Variants in NSD1 observed in about 807,000 individuals in gnomAD.
The protein encoded by NSD1 is histone-lysine N-methyltransferase, H3 lysine-36 specific.
NSD1 carries 26 observed loss-of-function variants against 242.7 expected under a neutral mutation model. The ratio of observed to expected loss-of-function variants is 0.11; its 90% CI spans 0.08 to 0.15. The LOEUF (loss-of-function observed/expected upper bound fraction) is 0.15. Among genes scored for constraint, NSD1 ranks in the 10% least tolerant of loss-of-function variants. NSD1 has a pLI of 1.00. For synonymous variants in NSD1, 1,106 were observed against 1,178.1 expected (o/e 0.94, Z 1.25); for missense variants, 2,495 against 3,272.8 (o/e 0.76, Z 5.80).
intron 2 of NSD1, among the ~76,000 whole-genome samples, chr5:177,189,543 AG>A (rs1282692862): frequency 6.6e-6 from 1 of 152,178 alleles, no homozygotes; most frequent in Non-Finnish European, 1.5e-5. Flanking sequence ...GGATAACAGG[AG>A]AGTGGTTTAA....
chr5:177,176,384 T>C (rs1396715817), intron 2 of NSD1, among the ~76,000 whole-genome samples: 1 of 151,916 alleles, frequency 6.6e-6, no homozygotes, highest in Non-Finnish European at 1.5e-5. Flanking sequence ...CCCATAGTGC[T>C]GTGTTGGGAT....
intron 11 of NSD1, among the ~76,000 whole-genome samples, chr5:177,250,931 C>T (rs1188361679): frequency 6.6e-6 from 1 of 152,176 alleles, no homozygotes. Flanking sequence ...GTGGCTCACA[C>T]CTGTAATCCC....
Position 177,288,695 on chromosome 5 carries a change from G to A in NSD1, c.6152-124G>A, listed in dbSNP as rs532395656. 4.1e-6 allele frequency: 3 copies of A among 730,928 alleles called. No individual in the cohort carries two copies. In the South Asian group the frequency reaches 4.5e-5, roughly 11 times the overall value. The allele number at this position is 730,928 out of a possible 1,614,324, so 45.3% of individuals were successfully genotyped here. A position where few individuals can be genotyped will look rare whatever the true frequency, so the allele number is the denominator to read the frequency against. On this transcript the variant is annotated intron_variant, in intron 20 of 22. Transcript: ENST00000439151. ...TAAGATTAGAATTAATTAAAATATA[G>A]GATTAGAGCTAAATTCTTTTTAAAA...
chr5:177,179,927 G>C (rs1241043700), intron 2 of NSD1, among the ~76,000 whole-genome samples: 1 of 151,672 alleles, frequency 6.6e-6, no homozygotes, highest in African/African-American at 2.4e-5. Flanking sequence ...ATTTTTTTGA[G>C]ACTTGCCCTG....
intron 8 of NSD1, among the ~76,000 whole-genome samples, chr5:177,242,149 G>A (rs1765922594): frequency 1.3e-5 from 2 of 152,068 alleles, no homozygotes; most frequent in African/African-American, 4.8e-5. Context: ...ATAGAAATGA[G>A]ACTATTTCCT....
At chr5:177,233,393 A>C (rs1027174282) in intron 5 of NSD1, among the ~76,000 whole-genome samples, 5 of 150,968 alleles carry the variant, frequency 3.3e-5, no homozygotes, top group African/African-American at 1.2e-4. Context: ...TTTTTTTTTA[A>C]AGTTTGGCTC....
At chr5:177,251,651 A>G (rs1755978777) in intron 11 of NSD1, 79 bp from the exon 12 acceptor site, 5 of 1,475,468 alleles carry the variant, frequency 3.4e-6, no homozygotes, top group Non-Finnish European at 3.8e-6. Flanking sequence ...ACCTTTGTTT[A>G]CTTTAACCCA....
At chr5:177,241,633 AG>A (rs1004331261) in intron 8 of NSD1, among the ~76,000 whole-genome samples, 2 of 151,826 alleles carry the variant, frequency 1.3e-5, no homozygotes, top group African/African-American at 4.8e-5. Flanking sequence ...TTTTGGGGAG[AG>A]GGGGTTGCCG....
At chr5:177,244,356 T>A in intron 9 of NSD1, 86 bp downstream of exon 9, 1 of 964,532 alleles carries the variant, frequency 1.0e-6, no homozygotes, top group Non-Finnish European at 1.7e-6. Flanking sequence ...GTTACATGTG[T>A]AAGCCCGACC....
chr5:177,156,049 G>GAAAAGGAATAATA (rs1758106527), intron 2 of NSD1, among the ~76,000 whole-genome samples: 2 of 151,704 alleles, frequency 1.3e-5, no homozygotes, highest in South Asian at 4.1e-4. Context: ...AGTTGAGGGG[G>GAAAAGGAATAATA]AAAAGGAATA....
chr5:177,253,350 T>C (rs1162761833), intron 12 of NSD1, among the ~76,000 whole-genome samples: 1 of 152,244 alleles, frequency 6.6e-6, no homozygotes, highest in Non-Finnish European at 1.5e-5. Flanking sequence ...ATTTCAGGCC[T>C]ATGAGTTGAT....
At chr5:177,182,925 A>G (rs1348864343) in intron 2 of NSD1, among the ~76,000 whole-genome samples, 2 of 152,106 alleles carry the variant, frequency 1.3e-5, no homozygotes, top group African/African-American at 4.8e-5. Flanking sequence ...GGCGTGAGCC[A>G]CCGTGCCTGG....
In NSD1 at chr5:177,296,472, C is replaced by CT. The variant is rs886060448; in HGVS notation, c.*1014dup. The CT allele has an allele frequency of 3.9e-5, 9 of 233,230 alleles. No individual in the cohort carries two copies. The highest frequency in any genetic ancestry group is 6.8e-5 in the Non-Finnish European group (8 of 118,094). 14.4% of individuals were successfully genotyped at this position (233,230 alleles called of 1,614,324 possible). ...GTGGACATAGGGAATCTCTGGCAAG[C>CT]TCTGAGCTAGACACACCAGCTTCAG... On this transcript the variant is annotated 3_prime_UTR_variant, in exon 23 of 23. Transcript: ENST00000439151.
chr5:177,278,814 C>T (rs1236578725), intron 17 of NSD1, among the ~76,000 whole-genome samples: 1 of 152,140 alleles, frequency 6.6e-6, no homozygotes, highest in Non-Finnish European at 1.5e-5. Flanking sequence ...TTTGACTGTT[C>T]CCACTGAAAT....
chr5:177,282,319 G>GTAA, intron 18 of NSD1, 146 bp from the exon 19 acceptor site: 1 of 738,538 alleles, frequency 1.4e-6, no homozygotes, highest in South Asian at 1.4e-5. Context: ...GTTGGGGATC[G>GTAA]TAAAGTAATT....
At chr5:177,252,100 G>C (rs1167306549) in intron 12 of NSD1, among the ~76,000 whole-genome samples, 1 of 152,190 alleles carries the variant, frequency 6.6e-6, no homozygotes, top group Non-Finnish European at 1.5e-5. Context: ...AAGATGAGCT[G>C]ATGCCATAGA....
chr5:177,188,418 T>A (rs560600752), intron 2 of NSD1, among the ~76,000 whole-genome samples: 1 of 152,326 alleles, frequency 6.6e-6, no homozygotes, highest in South Asian at 2.1e-4. Context: ...CCAGTGGGTT[T>A]GCATATGTTA....
chr5:177,220,341 A>T, intron 5 of NSD1, among the ~76,000 whole-genome samples: 1 of 152,176 alleles, frequency 6.6e-6, no homozygotes, highest in Admixed American at 6.6e-5. Flanking sequence ...TTTGTTTTAT[A>T]TAAGTATGGC....
intron 14 of NSD1, chr5:177,265,564 C>T (rs916357274): frequency 8.3e-6 from 9 of 1,084,584 alleles, no homozygotes; most frequent in African/African-American, 3.1e-5. Flanking sequence ...GCGGGAGAGC[C>T]GGGCCTCAGC....
Sources: gnomAD v4.1 joint callset for allele counts (sites outside exome capture counted in the v4.1 genomes callset) on GRCh38, gnomAD v4.1.1 for gene constraint, MANE v1.5 for transcripts, NCBI Gene and HGNC (gene_info 2026-07-23, HGNC 2026-07-21) for gene names.